Variants in KDM5A observed in about 807,000 individuals in gnomAD.
KDM5A encodes lysine demethylase 5A.
Under a neutral mutation model 193.5 loss-of-function variants are expected in KDM5A, and 42 were observed. That is an observed-to-expected ratio of 0.22 (90% CI 0.17 to 0.28). The LOEUF (loss-of-function observed/expected upper bound fraction) is 0.28. KDM5A is among the 10% of genes least tolerant of loss of function. KDM5A has a pLI of 1.00. For missense variants in KDM5A, 1,692 were observed against 2,055.1 expected, an observed-to-expected ratio of 0.82 and a Z score of 3.42; for synonymous variants, 796 against 718.1, an observed-to-expected ratio of 1.11 and a Z score of -1.73.
chr12:360,809 G>A (rs2137463989), intron 5 of KDM5A, among the ~76,000 whole-genome samples: 1 of 152,230 alleles, frequency 6.6e-6, no homozygotes, highest in South Asian at 2.1e-4. Context: ...AATACATATT[G>A]GGAGGAATGG....
In KDM5A at chr12:329,127, G is replaced by A. The variant is rs989999017; in HGVS notation, c.1774-98C>T. ...AGGTCCTCCCTTTTATTAGAAAGAA[G>A]ACAGAATACCAAATCCATTTAAATA... On this transcript the variant is annotated intron_variant, in intron 13 of 27. Transcript: ENST00000399788. 1.2e-5 allele frequency: 11 copies of A among 943,562 alleles called. No individual in the cohort carries two copies. The East Asian group carries it at 2.5e-4, about 22-fold the overall frequency. The allele number at this position is 943,562 out of a possible 1,614,324, so 58.4% of individuals were successfully genotyped here.
intron 10 of KDM5A, among the ~76,000 whole-genome samples, chr12:336,220 G>A (rs10848766): frequency 0.39 from 58,288 of 151,170 alleles, 14,384 homozygotes; most frequent in Non-Finnish European, 0.56. Context: ...TTAGTCAGGC[G>A]TGGTGGCGTG....
chr12:381,468 C>G (rs1231264634), intron 3 of KDM5A, among the ~76,000 whole-genome samples: 1 of 152,108 alleles, frequency 6.6e-6, no homozygotes, highest in Non-Finnish European at 1.5e-5. Flanking sequence ...CATTCAGAAT[C>G]TTAAACAGCA....
chr12:357,596 G>A lies in KDM5A; in HGVS notation c.673-1059C>T, dbSNP rs574022528. Among the ~76,000 whole-genome samples, 9 of 151,862 alleles carry A rather than the reference G, an allele frequency of 5.9e-5. No homozygotes were observed. In the South Asian group the frequency reaches 1.9e-3, roughly 32 times the overall value. ...TGTAATCCCAGCACTTTGGGAGGCCGAGGCGGGCGGATCACAAGGTCAGGA... is the reference window on the plus strand; with the variant it reads ...TGTAATCCCAGCACTTTGGGAGGCCAAGGCGGGCGGATCACAAGGTCAGGA... On this transcript the variant is annotated intron_variant, in intron 5 of 27. Transcript: ENST00000399788.
At position 281,062 on chromosome 12, in the gene KDM5A, A is replaced by AG; in HGVS notation, c.*4393dup. On this transcript the variant is annotated 3_prime_UTR_variant, in exon 28 of 28. Coordinates refer to ENST00000399788, the MANE Select transcript of KDM5A (RefSeq NM_001042603.3). ...TAAAGTTGCCACCAATGTAAATGAC[A>AG]GGGGTTAGGGTGGGTATGGGTGTGG... 4.3e-6 allele frequency: 1 copy of AG among 232,184 alleles called. No homozygotes were observed. The highest frequency in any genetic ancestry group is 6.1e-5 in the East Asian group (1 of 16,412). 14.4% of individuals were successfully genotyped at this position (232,184 alleles called of 1,614,324 possible).
intron 1 of KDM5A, among the ~76,000 whole-genome samples, chr12:387,081 C>T (rs1316816003): frequency 6.6e-6 from 1 of 151,890 alleles, no homozygotes; most frequent in Non-Finnish European, 1.5e-5. Context: ...CCCAAATATT[C>T]AAAAAACACG....
intron 27 of KDM5A, 114 bp downstream of exon 27, chr12:292,645 T>C: frequency 7.8e-7 from 1 of 1,285,870 alleles, no homozygotes; most frequent in Non-Finnish European, 1.1e-6. Flanking sequence ...AGACATTATG[T>C]TGGAAGTCCA....
chr12:290,448 T>C (rs1026555510), intron 27 of KDM5A, among the ~76,000 whole-genome samples: 3 of 152,312 alleles, frequency 2.0e-5, no homozygotes, highest in African/African-American at 4.8e-5. Flanking sequence ...CAGTTCAAAA[T>C]AGACATTTTC....
At chr12:302,455 C>T (rs1943454756) in intron 24 of KDM5A, among the ~76,000 whole-genome samples, 1 of 152,200 alleles carries the variant, frequency 6.6e-6, no homozygotes, top group South Asian at 2.1e-4. Context: ...GTTGGGAAAA[C>T]TGGCTTAGCC....
chr12:367,845 C>G (rs1380492501), intron 3 of KDM5A, among the ~76,000 whole-genome samples: 1 of 151,724 alleles, frequency 6.6e-6, no homozygotes, highest in Non-Finnish European at 1.5e-5. Flanking sequence ...CTGGCTGATC[C>G]TGTCTCAAGT....
In KDM5A at chr12:333,592, C is replaced by T. The variant is rs1257069103; in HGVS notation, c.1548G>A (p.Glu516=). ...ACTCGGGGGCCAGCTCTCTCATCAC[C>T]TCCTCCAGTTGCTCTGCAGCATGAG... ...VPSHAAEQLE[E]VMRELAPELF... Residue 516 remains glutamate (E), a synonymous_variant, in exon 12 of 28, where the codon GAG becomes GAA. Transcript: ENST00000399788. The T allele has an allele frequency of 3.1e-6, 5 of 1,613,964 alleles. No individual in the cohort carries two copies. In the South Asian group the frequency reaches 4.4e-5, roughly 14 times the overall value.
At chr12:349,820 G>C (rs895200389) in intron 10 of KDM5A, among the ~76,000 whole-genome samples, 2 of 151,168 alleles carry the variant, frequency 1.3e-5, no homozygotes, top group Non-Finnish European at 2.9e-5. Flanking sequence ...ATTGCACTCA[G>C]CTTAAATTAG....
intron 4 of KDM5A, 118 bp from the exon 5 acceptor site, chr12:363,215 C>G: frequency 1.7e-6 from 2 of 1,174,192 alleles, no homozygotes; most frequent in Non-Finnish European, 2.5e-6. Context: ...AATTATTTCT[C>G]AAACTGACAT....
intron 1 of KDM5A, among the ~76,000 whole-genome samples, chr12:386,976 CTTAT>C (rs1473232522): frequency 4.0e-5 from 6 of 151,600 alleles, no homozygotes; most frequent in South Asian, 2.1e-4. Flanking sequence ...CTTTTAAGAA[CTTAT>C]TTATTTAAAC....
At chr12:295,240 A>T (rs1354746644) in intron 26 of KDM5A, among the ~76,000 whole-genome samples, 2 of 152,016 alleles carry the variant, frequency 1.3e-5, no homozygotes, top group Non-Finnish European at 2.9e-5. Flanking sequence ...AGAAGAAAGG[A>T]AAGGAAAGGG....
At position 310,993 on chromosome 12, in the gene KDM5A, A is replaced by G; in HGVS notation, c.3108T>C (p.Arg1036=). The stretch of plus-strand genomic sequence containing the variant: ...ATTCCACTTGCGGCAGTGCTTCAAG[A>G]CGCACAGGAATAGGGCGTCCTTTCG... The part of the protein sequence containing the change: ...LSAKGRPIPV[R]LEALPQVESQ... The change falls in exon 21 of 28, where the codon CGT becomes CGC. Residue 1036 remains arginine (R), a synonymous_variant. Coordinates refer to ENST00000399788, the MANE Select transcript of KDM5A (RefSeq NM_001042603.3). 1 of 1,614,162 alleles carries G rather than the reference A, an allele frequency of 6.2e-7. No individual in the cohort carries two copies. Among genetic ancestry groups the G allele is most frequent in the South Asian group, 1.1e-5 (1 of 91,086 alleles).
chr12:318,394 T>C lies in KDM5A; in HGVS notation c.2609A>G (p.Asp870Gly). The C allele has an allele frequency of 1.2e-6, 2 of 1,614,140 alleles. No individual in the cohort carries two copies. Among genetic ancestry groups the C allele is most frequent in the Non-Finnish European group, 1.7e-6 (2 of 1,179,996 alleles). ...TATCAACATCTGGAGTTTGGAAGAATCTGGGGTTTCATCCATCATGGCCTC... is the reference window on the plus strand; with the variant it reads ...TATCAACATCTGGAGTTTGGAAGAACCTGGGGTTTCATCCATCATGGCCTC... ...AQEAMMDETP[D>G]SSKLQMLIDM... is the part of the protein sequence containing the mutation. The change falls in exon 19 of 28, where the codon GAT becomes GGT. Residue 870 changes from aspartate to glycine, a missense_variant. Physicochemically the swap from Asp to Gly is moderately conservative, Grantham distance 94. This residue lies in a region of KDM5A where 965 missense variants were observed against 1,061.0 expected (regional missense o/e 0.91). Coordinates refer to ENST00000399788, the MANE Select transcript of KDM5A (RefSeq NM_001042603.3).
chr12:385,880 A>C lies in KDM5A; in HGVS notation c.243+17T>G, dbSNP rs1944632117. 3 of 1,601,710 alleles carry C rather than the reference A, an allele frequency of 1.9e-6. No homozygotes were observed. The South Asian group carries it at 3.3e-5, about 18-fold the overall frequency. ...AAAGAATGAATCAGGAAGCAGAAATAGTGACAAAACACTTACCTCAAGTTC... is the reference window on the plus strand; with the variant it reads ...AAAGAATGAATCAGGAAGCAGAAATCGTGACAAAACACTTACCTCAAGTTC... On this transcript the variant is annotated intron_variant, in intron 2 of 27. Transcript: ENST00000399788.
chr12:285,681 G>C lies in KDM5A; in HGVS notation c.4867-19C>G, dbSNP rs1943211984. On this transcript the variant is annotated intron_variant, in intron 27 of 27. Coordinates refer to ENST00000399788, the MANE Select transcript of KDM5A (RefSeq NM_001042603.3). ...AGTCTACCTGTAGGAAACAAGATTG[G>C]GGAATGTTTAGGTTACATAAACATT... 1 of 1,606,784 alleles carries C rather than the reference G, an allele frequency of 6.2e-7. No individual in the cohort carries two copies. Among genetic ancestry groups the C allele is most frequent in the Non-Finnish European group, 8.5e-7 (1 of 1,173,454 alleles).
Sources: allele counts gnomAD v4.1 joint callset (sites outside exome capture counted in the v4.1 genomes callset), GRCh38; gene constraint gnomAD v4.1.1; regional missense constraint gnomAD v4.1.1; transcripts MANE v1.5; gene names NCBI Gene and HGNC (gene_info 2026-07-23, HGNC 2026-07-21).